The following DCHS2 variants were observed in gnomAD, a reference collection of about 807,000 sequenced individuals.
The protein encoded by DCHS2 is dachsous cadherin-related 2, also known as protocadherin-23.
Under a neutral mutation model 182.4 loss-of-function variants are expected in DCHS2, and 142 were observed. The ratio of observed to expected loss-of-function variants is 0.78; its 90% confidence interval spans 0.68 to 0.89. The LOEUF (loss-of-function observed/expected upper bound fraction) is 0.89. DCHS2 is among the 40% of genes least tolerant of loss of function. The pLI is 0.00. For missense variants in DCHS2, 4,319 were observed against 4,198.6 expected, an observed-to-expected ratio of 1.03 and a Z score of -0.79; for synonymous variants, 1,740 against 1,663.3, an observed-to-expected ratio of 1.05 and a Z score of -1.12.
rs1427067709 is a variant in DCHS2, at chr4:154,344,231, ATGT to A, written c.2477-9130_2477-9128del. Among the ~76,000 whole-genome samples, 19 of 152,362 alleles carry A rather than the reference ATGT, an allele frequency of 1.2e-4. No homozygotes were observed. In the East Asian group the frequency reaches 3.7e-3, roughly 29 times the overall value. The stretch of plus-strand genomic sequence containing the variant: ...TATAATAATAATGAAAAAGTTTGAA[ATGT>A]TATGAGAATTATCAAAATGTGACAT... On this transcript the variant is annotated intron_variant, in intron 3 of 19. Coordinates refer to ENST00000357232, the MANE Select transcript of DCHS2 (RefSeq NM_001358235.2).
chr4:154,440,756 C>G (rs1207456376), intron 1 of DCHS2, among the ~76,000 whole-genome samples: 2 of 152,104 alleles, frequency 1.3e-5, no homozygotes, highest in Non-Finnish European at 2.9e-5. Flanking sequence ...CTTATCCCTA[C>G]AGGCTAAGAA....
chr4:154,333,591 T>G (rs954076447), intron 4 of DCHS2, 97 bp from the exon 5 acceptor site: 2 of 1,159,772 alleles, frequency 1.7e-6, no homozygotes, highest in South Asian at 3.2e-5. Context: ...CACTGCCTAA[T>G]GACACTTCAG....
rs1266730213 is a variant in DCHS2, at chr4:154,239,163, A to C, written c.7492+7T>G. On this transcript the variant is annotated splice_region_variant and intron_variant, in intron 19 of 19. Transcript: ENST00000357232. ...TATGAGCATTAATGCAATTATAAAT[A>C]ACTCACCATTCTTAGGATCAATGGA... 1 of 1,609,500 alleles carries C rather than the reference A, an allele frequency of 6.2e-7. No homozygotes were observed. Among genetic ancestry groups the C allele is most frequent in the East Asian group, 2.2e-5 (1 of 44,742 alleles).
intron 14 of DCHS2, among the ~76,000 whole-genome samples, chr4:154,268,235 C>CT (rs1398519346): frequency 7.7e-6 from 1 of 129,908 alleles, no homozygotes; most frequent in African/African-American, 3.0e-5. Context: ...CACTTTCCCC[C>CT]CCCCAAAAAA....
chr4:154,303,382 TG>T (rs554421855), intron 12 of DCHS2, among the ~76,000 whole-genome samples: 4 of 151,088 alleles, frequency 2.6e-5, no homozygotes, highest in Non-Finnish European at 4.4e-5. Flanking sequence ...TAGGATATGC[TG>T]GGAAACACAC....
chr4:154,376,292 G>A (rs1178757267), intron 2 of DCHS2, among the ~76,000 whole-genome samples: 2 of 152,096 alleles, frequency 1.3e-5, no homozygotes, highest in African/African-American at 4.8e-5. Context: ...AACTGAAGGT[G>A]CCTTCACTGA....
At chr4:154,380,811 C>G (rs1164344912) in intron 1 of DCHS2, among the ~76,000 whole-genome samples, 1 of 152,058 alleles carries the variant, frequency 6.6e-6, no homozygotes, top group East Asian at 1.9e-4. Context: ...CATATCCCAC[C>G]TATTGGGTCT....
chr4:154,343,648 T>C (rs1253378074), intron 3 of DCHS2: 3 of 1,466,428 alleles, frequency 2.0e-6, no homozygotes, highest in East Asian at 5.0e-5. Flanking sequence ...TCAACCTTCC[T>C]ATATTTAAAA....
At chr4:154,343,474 C>G (rs1409318560) in intron 3 of DCHS2, 1 of 1,438,502 alleles carries the variant, frequency 7.0e-7, no homozygotes, top group South Asian at 1.7e-5. Context: ...CCACCTTCAC[C>G]AAGAATCTTA....
intron 1 of DCHS2, among the ~76,000 whole-genome samples, chr4:154,439,106 A>G (rs1467866974): frequency 6.6e-6 from 1 of 152,244 alleles, no homozygotes; most frequent in Non-Finnish European, 1.5e-5. Flanking sequence ...TTATGCTATT[A>G]TAAGAATTTG....
intron 3 of DCHS2, among the ~76,000 whole-genome samples, chr4:154,342,907 T>C (rs1729175901): frequency 6.6e-6 from 1 of 152,234 alleles, no homozygotes; most frequent in African/African-American, 2.4e-5. Flanking sequence ...TCACTATCTA[T>C]GGCAACTATA....
At chr4:154,342,867 A>C (rs955623352) in intron 3 of DCHS2, among the ~76,000 whole-genome samples, 1 of 152,206 alleles carries the variant, frequency 6.6e-6, no homozygotes, top group African/African-American at 2.4e-5. Flanking sequence ...GAAAGTTTTC[A>C]ATGTATTTTA....
At chr4:154,345,579 G>T (rs13113312) in intron 3 of DCHS2, among the ~76,000 whole-genome samples, 47,667 of 152,068 alleles carry the variant, frequency 0.31, 9,114 homozygotes, top group Non-Finnish European at 0.43. Flanking sequence ...TGCAAAACAG[G>T]CTCTTGTTAT....
In DCHS2 at chr4:154,491,779, G is replaced by C. The variant is rs1358427889; in HGVS notation, c.-424C>G. ...ACACACAAGGAGAGGATGGGGATCT[G>C]GCCGGAGTAGGGGGTGGAGTAAGGG... is the stretch of plus-strand genomic sequence containing the variant. On this transcript the variant is annotated 5_prime_UTR_variant, in exon 1 of 20. Transcript: ENST00000357232. The C allele has an allele frequency of 1.0e-6, 1 of 992,940 alleles. No homozygotes were observed. The highest frequency in any genetic ancestry group is 1.7e-5 in the African/African-American group (1 of 57,376). 61.5% of individuals were successfully genotyped at this position (992,940 alleles called of 1,614,324 possible).
intron 3 of DCHS2, among the ~76,000 whole-genome samples, chr4:154,358,515 A>C (rs916810163): frequency 6.6e-6 from 1 of 152,170 alleles, no homozygotes; most frequent in African/African-American, 2.4e-5. Context: ...TCTTTGAAAA[A>C]TGTGCTGATC....
At chr4:154,409,328 C>T (rs187531745) in intron 1 of DCHS2, among the ~76,000 whole-genome samples, 11 of 152,302 alleles carry the variant, frequency 7.2e-5, no homozygotes, top group African/African-American at 1.9e-4. Context: ...GTCCCATCAT[C>T]CCAGGGTCCA....
chr4:154,387,620 T>C (rs1296093898), intron 1 of DCHS2, among the ~76,000 whole-genome samples: 2 of 151,988 alleles, frequency 1.3e-5, no homozygotes, highest in Non-Finnish European at 2.9e-5. Context: ...GATCCTTACA[T>C]TGAAAAGAAA....
chr4:154,450,718 A>G (rs957678182), intron 1 of DCHS2, among the ~76,000 whole-genome samples: 4 of 152,168 alleles, frequency 2.6e-5, no homozygotes, highest in African/African-American at 9.7e-5. Flanking sequence ...CTGTAATCCC[A>G]GCTACTTGGG....
chr4:154,484,268 A>G (rs1341526148), intron 1 of DCHS2, among the ~76,000 whole-genome samples: 1 of 152,206 alleles, frequency 6.6e-6, no homozygotes, highest in Non-Finnish European at 1.5e-5. Context: ...TGTTATTACA[A>G]GAGACTCAGA....
Sources: gnomAD v4.1 joint callset for allele counts (sites outside exome capture counted in the v4.1 genomes callset) on GRCh38, gnomAD v4.1.1 for gene constraint, MANE v1.5 for transcripts, NCBI Gene and HGNC (gene_info 2026-07-23, HGNC 2026-07-21) for gene names.